The following RANGAP1 variants were observed in gnomAD, a reference collection of about 807,000 sequenced individuals.
The protein encoded by RANGAP1 is ran GTPase-activating protein 1.
Under a neutral mutation model 63.5 loss-of-function variants are expected in RANGAP1, and 38 were observed. The observed-to-expected ratio is 0.60, with a 90% CI of 0.46 to 0.78. RANGAP1 has a LOEUF of 0.78. RANGAP1 is among the 30% of genes least tolerant of loss of function. The pLI, the probability that RANGAP1 is intolerant of heterozygous loss-of-function variation, is 0.00. For missense variants in RANGAP1, 630 were observed against 740.3 expected, an observed-to-expected ratio of 0.85 and a Z score of 1.73; for synonymous variants, 329 against 310.5, an observed-to-expected ratio of 1.06 and a Z score of -0.63.
chr22:41,274,507 G>A (rs1398249684), intron 3 of RANGAP1, 93 bp downstream of exon 3: 3 of 1,549,912 alleles, frequency 1.9e-6, no homozygotes, highest in South Asian at 2.4e-5. Flanking sequence ...ACAGGCAGGG[G>A]CCTGGAAGAG....
In RANGAP1 at chr22:41,264,647, G is replaced by T. The variant is rs1395592312; in HGVS notation, c.480+17C>A. 1.2e-6 allele frequency: 2 copies of T among 1,605,100 alleles called. No homozygotes were observed. ...ATGGACCAGGGGACTCTGCGGGGAG[G>T]GGGCTGCCACACCCACCTTGCCGCC... On this transcript the variant is annotated intron_variant, in intron 5 of 15. Coordinates refer to ENST00000356244, the MANE Select transcript of RANGAP1 (RefSeq NM_002883.4).
intron 6 of RANGAP1, among the ~76,000 whole-genome samples, chr22:41,260,011 A>AT (rs2034072067): frequency 2.4e-5 from 3 of 125,612 alleles, no homozygotes; most frequent in African/African-American, 9.2e-5. Flanking sequence ...GCCTCAATAA[A>AT]ATTTTTTTTT....
chr22:41,280,582 A>G, intron 2 of RANGAP1: 1 of 1,082,342 alleles, frequency 9.2e-7, no homozygotes, highest in Non-Finnish European at 1.2e-6. Flanking sequence ...GCCTGGGATC[A>G]TGGGGGTTAA....
At position 41,258,032 on chromosome 22, in the gene RANGAP1, C is replaced by G. The variant is rs1054426184; in HGVS notation, c.690G>C (p.Gln230His). The G allele has an allele frequency of 3.7e-5, 59 of 1,613,528 alleles. No individual in the cohort carries two copies. Among genetic ancestry groups the G allele is most frequent in the Non-Finnish European group, 4.9e-5 (58 of 1,179,744 alleles). The change falls in exon 7 of 16, where the codon CAG becomes CAC. Residue 230 changes from glutamine to histidine, a missense_variant. By Grantham distance (24) the Gln-to-His change is conservative. Around this residue, in one of 3 missense-constraint regions of RANGAP1, gnomAD observed 428 missense variants for 465.5 expected, o/e 0.92. Coordinates refer to ENST00000356244, the MANE Select transcript of RANGAP1 (RefSeq NM_002883.4). Reference sequence around the variant, plus strand: ...GCAGCAGGGGGTTGACAGCGAAAGCCTGGGCCAGGGCAGTGATGCCAGGGT... The same window carrying G: ...GCAGCAGGGGGTTGACAGCGAAAGCGTGGGCCAGGGCAGTGATGCCAGGGT... ...INHPGITALA[Q>H]AFAVNPLLRV...
the RANGAP1 span, among the ~76,000 whole-genome samples, chr22:41,292,478 T>G: frequency 6.7e-6 from 1 of 148,954 alleles, no homozygotes; most frequent in South Asian, 2.4e-4. Flanking sequence ...AATCCTCTTG[T>G]GGCCGGGTGC....
At position 41,264,710 on chromosome 22, in the gene RANGAP1, T is replaced by G; in HGVS notation, c.434A>C (p.Gln145Pro). Residue 145 changes from glutamine (Q) to proline (P), a missense_variant, in exon 5 of 16, where the codon CAG (glutamine) becomes CCG (proline). By Grantham distance (76) the Gln-to-Pro change is moderately conservative. Coordinates refer to ENST00000356244, the MANE Select transcript of RANGAP1 (RefSeq NM_002883.4). ...GCCACAGTTGTTGAGCTTGAGTTCC[T>G]GCAGGGTGAAGCAGGCTGAGCTCTT... ...LLKSSACFTL[Q>P]ELKLNNCGMG... 6.2e-7 allele frequency: 1 copy of G among 1,613,922 alleles called. No homozygotes were observed. The highest frequency in any genetic ancestry group is 8.5e-7 in the Non-Finnish European group (1 of 1,179,770).
At chr22:41,255,488 G>T (rs968247248) in intron 10 of RANGAP1, among the ~76,000 whole-genome samples, 1 of 151,608 alleles carries the variant, frequency 6.6e-6, no homozygotes, top group Non-Finnish European at 1.5e-5. Context: ...TAGAGTCAGC[G>T]TCTTAAGAAC....
At chr22:41,263,394 G>T (rs1276999938) in intron 5 of RANGAP1, among the ~76,000 whole-genome samples, 1 of 152,018 alleles carries the variant, frequency 6.6e-6, no homozygotes, top group East Asian at 1.9e-4. Flanking sequence ...TTGTTTGTTT[G>T]TTTTTTTGAG....
intron 2 of RANGAP1, among the ~76,000 whole-genome samples, chr22:41,279,991 A>C (rs886307744): frequency 6.7e-6 from 1 of 150,142 alleles, no homozygotes; most frequent in South Asian, 2.1e-4. Flanking sequence ...CCAGCTACTC[A>C]GGAGGCTGAG....
At chr22:41,249,636 CGAGGTGAGG>C in intron 14 of RANGAP1, 84 bp downstream of exon 14, 2 of 1,534,596 alleles carry the variant, frequency 1.3e-6, no homozygotes, top group Non-Finnish European at 1.8e-6. Flanking sequence ...GCTCAGGACT[CGAGGTGAGG>C]GAGGTTGGCG....
chr22:41,296,647 C>T, the RANGAP1 span, among the ~76,000 whole-genome samples: 1 of 76,852 alleles, frequency 1.3e-5, no homozygotes, highest in Non-Finnish European at 2.7e-5. Flanking sequence ...ACTCCATCTC[C>T]AAAAAAAAAA....
the RANGAP1 span, among the ~76,000 whole-genome samples, chr22:41,300,792 G>A: frequency 1.3e-5 from 2 of 151,288 alleles, no homozygotes; most frequent in Non-Finnish European, 2.9e-5. Context: ...TATCTAATCA[G>A]GTTCCTCATT....
the RANGAP1 span, among the ~76,000 whole-genome samples, chr22:41,294,894 C>T: frequency 1.1e-5 from 1 of 88,136 alleles, no homozygotes; most frequent in Non-Finnish European, 2.2e-5. Flanking sequence ...GGGGTGAGCC[C>T]CCCGCCCGGC....
In RANGAP1 at chr22:41,257,999, G is replaced by T; in HGVS notation, c.723C>A (p.Ile241=). The T allele has an allele frequency of 6.2e-7, 1 of 1,613,408 alleles. No individual in the cohort carries two copies. Among genetic ancestry groups the T allele is most frequent in the Middle Eastern group, 1.7e-4 (1 of 6,054 alleles). ...CAGTGAAGGTGTTGTCATTCAGGTTGATGACCCGCAGCAGGGGGTTGACAG... is the reference window on the plus strand; with the variant it reads ...CAGTGAAGGTGTTGTCATTCAGGTTTATGACCCGCAGCAGGGGGTTGACAG... The part of the protein sequence containing the change: ...AFAVNPLLRV[I]NLNDNTFTEK... Residue 241 remains isoleucine, a synonymous_variant, in exon 7 of 16, where the codon ATC becomes ATA. Transcript: ENST00000356244. The surrounding 1 kb of genome is among the most constrained non-coding windows in gnomAD (Gnocchi z 4.0).
At chr22:41,285,584 G>A (rs1003817553) in intron 1 of RANGAP1, 1 of 985,346 alleles carries the variant, frequency 1.0e-6, no homozygotes, top group African/African-American at 1.7e-5. Flanking sequence ...GGGCCCCCGC[G>A]GGCGTGGGCC....
rs2033922185 is a variant in RANGAP1 at position 41,257,674 on chromosome 22, T to C, written c.774+274A>G. Among the ~76,000 whole-genome samples, 1 of 152,200 alleles carries C rather than the reference T, an allele frequency of 6.6e-6. No individual in the cohort carries two copies. Among genetic ancestry groups the C allele is most frequent in the African/African-American group, 2.4e-5 (1 of 41,452 alleles). Reference sequence around the variant, plus strand: ...GGGAGCAGTCTGCTCCTGTGCAGCCTGAGAACAAACCAGCGGCAGCCGCTG... The same window carrying C: ...GGGAGCAGTCTGCTCCTGTGCAGCCCGAGAACAAACCAGCGGCAGCCGCTG... On this transcript the variant is annotated intron_variant, in intron 7 of 15. Coordinates refer to ENST00000356244, the MANE Select transcript of RANGAP1 (RefSeq NM_002883.4). This position sits in a 1 kb window ranked among gnomAD's most constrained non-coding sequence, Gnocchi z 4.0.
chr22:41,280,726 A>G, intron 2 of RANGAP1: 6 of 1,508,572 alleles, frequency 4.0e-6, no homozygotes, highest in Non-Finnish European at 5.3e-6. Context: ...AGGGATGCCC[A>G]ATACAAACAT....
chr22:41,258,230 C>T (rs894980379), intron 6 of RANGAP1, 124 bp from the exon 7 acceptor site: 46 of 1,123,240 alleles, frequency 4.1e-5, no homozygotes, highest in Admixed American at 9.3e-5. Flanking sequence ...AGGGGCCTGT[C>T]TGTGGGATTT....
At chr22:41,286,426 CTCTT>C (rs1041078693), upstream of RANGAP1, among the ~76,000 whole-genome samples, 37 of 152,388 alleles carry the variant, frequency 2.4e-4, no homozygotes, top group African/African-American at 6.0e-4. Context: ...TGGCTTCTGG[CTCTT>C]TCTCGCAGAG....
Sources: allele counts gnomAD v4.1 joint callset (sites outside exome capture counted in the v4.1 genomes callset), GRCh38; gene constraint gnomAD v4.1.1; regional missense constraint gnomAD v4.1.1; non-coding constraint Gnocchi (gnomAD v3.1); transcripts MANE v1.5; gene names NCBI Gene and HGNC (gene_info 2026-07-23, HGNC 2026-07-21).